Variants in NR2C2 observed in about 807,000 individuals in gnomAD.
NR2C2 encodes the protein nuclear receptor subfamily 2 group C member 2.
NR2C2 carries 6 observed loss-of-function variants against 62.9 expected under a neutral mutation model. The observed-to-expected ratio is 0.10, with a 90% CI of 0.05 to 0.19. The LOEUF is 0.19. Ranked by LOEUF, NR2C2 falls within the 10% of genes least tolerant of loss-of-function variation. The pLI is 1.00. For synonymous variants in NR2C2, 272 were observed against 273.8 expected (o/e 0.99, Z 0.07); for missense variants, 479 against 762.7 (o/e 0.63, Z 4.38).
At chr3:14,983,876 A>T (rs2040443832) in intron 1 of NR2C2, among the ~76,000 whole-genome samples, 1 of 151,882 alleles carries the variant, frequency 6.6e-6, no homozygotes, top group African/African-American at 2.4e-5. Flanking sequence ...CTTGTTTTGT[A>T]TTTTTTTATT....
rs1350376778 is a variant in NR2C2 at position 15,047,668 on chromosome 3, A to C, written c.*4660A>C. On this transcript the variant is annotated 3_prime_UTR_variant, in exon 14 of 14. Transcript: ENST00000425241. ...ATGTGGGGCACTGTCCTATGACTGA[A>C]TAAATAGTAATTCCCATCTTTCTAT... 1 of 152,234 alleles carries C rather than the reference A, an allele frequency of 6.6e-6. No homozygotes were observed. Among genetic ancestry groups the C allele is most frequent in the Non-Finnish European group, 1.5e-5 (1 of 68,036 alleles). 9.4% of individuals were successfully genotyped at this position (152,234 alleles called of 1,614,324 possible).
chr3:15,016,156 T>A lies in NR2C2; in HGVS notation c.278T>A (p.Val93Asp). 1 of 1,613,502 alleles carries A rather than the reference T, an allele frequency of 6.2e-7. No homozygotes were observed. The highest frequency in any genetic ancestry group is 1.3e-5 in the African/African-American group (1 of 75,028). The part of the protein sequence containing the change: ...DNLVPGRIQI[V>D]TDSASVERLL... Reference sequence around the variant, plus strand: ...TCGTTTCCTGATTTCTCTCAGATTGTCACGGATTCTGCCTCTGTGGAGCGT... The same window carrying A: ...TCGTTTCCTGATTTCTCTCAGATTGACACGGATTCTGCCTCTGTGGAGCGT... The change falls in exon 4 of 14, where the codon GTC (valine) becomes GAC (aspartate). Residue 93 changes from valine (V) to aspartate (D), a missense_variant. Transcript: ENST00000425241.
chr3:15,004,529 T>C, intron 2 of NR2C2: 5 of 1,595,570 alleles, frequency 3.1e-6, no homozygotes, highest in Non-Finnish European at 4.3e-6. Flanking sequence ...CTAATCGATA[T>C]TCACTTATGG....
chr3:14,968,745 A>T (rs1337138506), intron 1 of NR2C2, among the ~76,000 whole-genome samples: 6 of 141,114 alleles, frequency 4.3e-5, no homozygotes, highest in Non-Finnish European at 6.1e-5. Flanking sequence ...CAAATGTCCA[A>T]CAATGATAGA....
At chr3:14,957,904 C>G (rs1475214781) in intron 1 of NR2C2, among the ~76,000 whole-genome samples, 2 of 123,064 alleles carry the variant, frequency 1.6e-5, no homozygotes. Flanking sequence ...CTTCCCTGGT[C>G]TCTGTAATAA....
intron 1 of NR2C2, among the ~76,000 whole-genome samples, chr3:14,991,475 G>T (rs922378226): frequency 7.2e-5 from 11 of 152,196 alleles, no homozygotes; most frequent in Non-Finnish European, 1.3e-4. Context: ...CAAGCTGGAG[G>T]TGTCCCCTGC....
chr3:15,001,915 G>A (rs1013459909), intron 1 of NR2C2, among the ~76,000 whole-genome samples: 1 of 152,088 alleles, frequency 6.6e-6, no homozygotes. Flanking sequence ...ACTGCACCTG[G>A]CCAGTTTTTG....
At chr3:15,024,245 T>C in intron 7 of NR2C2, 37 bp downstream of exon 7, 1 of 1,414,028 alleles carries the variant, frequency 7.1e-7, no homozygotes, top group South Asian at 1.3e-5. Context: ...TCATCCTTTA[T>C]GTTGACATTG....
In NR2C2 at chr3:15,047,520, GCT is replaced by G. The variant is rs1374279124; in HGVS notation, c.*4515_*4516del. On this transcript the variant is annotated 3_prime_UTR_variant, in exon 14 of 14. Coordinates refer to ENST00000425241, the MANE Select transcript of NR2C2 (RefSeq NM_001291694.2). Reference sequence around the variant, plus strand: ...AGCCATCAGCCTTCCCAGCTATTCAGCTCTGTTGAGTAGCCCAGAGACAGGCG... The same window carrying G: ...AGCCATCAGCCTTCCCAGCTATTCAGCTGTTGAGTAGCCCAGAGACAGGCG... 6.6e-5 allele frequency: 10 copies of G among 152,226 alleles called. No individual in the cohort carries two copies. Among genetic ancestry groups the G allele is most frequent in the African/African-American group, 2.4e-4 (10 of 41,454 alleles). The allele number at this position is 152,226 out of a possible 1,614,324, so 9.4% of individuals were successfully genotyped here.
At chr3:15,019,148 C>T (rs1416315188) in intron 4 of NR2C2, among the ~76,000 whole-genome samples, 1 of 150,722 alleles carries the variant, frequency 6.6e-6, no homozygotes, top group Admixed American at 6.6e-5. Flanking sequence ...ATCACTTGAA[C>T]CCAGGAGGTG....
intron 12 of NR2C2, 145 bp from the exon 13 acceptor site, chr3:15,038,974 CTAA>C: frequency 1.6e-6 from 1 of 644,972 alleles, no homozygotes; most frequent in Non-Finnish European, 2.8e-6. Flanking sequence ...AGCCAGTGTT[CTAA>C]TAATACCCAA....
At chr3:15,022,474 G>A (rs113119287) in intron 5 of NR2C2, among the ~76,000 whole-genome samples, 3,300 of 140,668 alleles carry the variant, frequency 0.023, 105 homozygotes, top group African/African-American at 0.081. Flanking sequence ...GCCGCGTCTT[G>A]GCTCACTGCA....
rs1474305498 is a variant in NR2C2, at chr3:15,008,932, G to A, written c.73-4657G>A. Reference sequence around the variant, plus strand: ...AATACATAGTGACTATAATAAATATGGTACTTGGTCGGGCGCGGCGGCTAG... The same window carrying A: ...AATACATAGTGACTATAATAAATATAGTACTTGGTCGGGCGCGGCGGCTAG... On this transcript the variant is annotated intron_variant, in intron 2 of 13. Coordinates refer to ENST00000425241, the MANE Select transcript of NR2C2 (RefSeq NM_001291694.2). Among the ~76,000 whole-genome samples the A allele has an allele frequency of 2.0e-5, 3 of 152,114 alleles. No homozygotes were observed. In the East Asian group the frequency reaches 5.8e-4, roughly 29 times the overall value.
intron 1 of NR2C2, among the ~76,000 whole-genome samples, chr3:14,988,522 T>G (rs1453982364): frequency 6.6e-6 from 1 of 152,242 alleles, no homozygotes; most frequent in Non-Finnish European, 1.5e-5. Context: ...ATTCTGATGA[T>G]GAAGGACCAG....
At chr3:15,010,665 T>C (rs2041327079) in intron 2 of NR2C2, among the ~76,000 whole-genome samples, 1 of 150,980 alleles carries the variant, frequency 6.6e-6, no homozygotes. Flanking sequence ...TGAGCCAGGA[T>C]CGTGCTACTG....
intron 1 of NR2C2, among the ~76,000 whole-genome samples, chr3:14,984,949 T>G (rs2040475029): frequency 6.6e-6 from 1 of 152,146 alleles, no homozygotes; most frequent in Admixed American, 6.5e-5. Flanking sequence ...CTCTTAATAT[T>G]GTCAGTCTTT....
intron 2 of NR2C2, among the ~76,000 whole-genome samples, chr3:15,011,960 A>G (rs1413719021): frequency 6.6e-6 from 1 of 152,066 alleles, no homozygotes; most frequent in Non-Finnish European, 1.5e-5. Context: ...GACTGATATT[A>G]TTTATTCAGA....
intron 1 of NR2C2, among the ~76,000 whole-genome samples, chr3:14,977,673 A>AGAGTAATG (rs2040245218): frequency 2.0e-5 from 3 of 152,132 alleles, no homozygotes; most frequent in African/African-American, 7.2e-5. Context: ...TCCATATTTA[A>AGAGTAATG]GAGTAATGTA....
chr3:15,031,420 T>C (rs1205480478), intron 9 of NR2C2, among the ~76,000 whole-genome samples: 1 of 152,012 alleles, frequency 6.6e-6, no homozygotes, highest in Non-Finnish European at 1.5e-5. Flanking sequence ...GTGATGTGAT[T>C]GTGGCTCACT....
Sources: allele counts gnomAD v4.1 joint callset (sites outside exome capture counted in the v4.1 genomes callset), GRCh38; gene constraint gnomAD v4.1.1; transcripts MANE v1.5; gene names NCBI Gene and HGNC (gene_info 2026-07-23, HGNC 2026-07-21).